TMEM178B: variants seen among roughly 807,000 people sequenced by gnomAD.
The protein encoded by TMEM178B is transmembrane protein 178B.
In TMEM178B, 5 loss-of-function variants were observed where a neutral mutation model predicts 31.0. The ratio of observed to expected loss-of-function variants is 0.16; its 90% confidence interval spans 0.08 to 0.34. The LOEUF is 0.34. Among genes scored for constraint, TMEM178B ranks in the 10% least tolerant of loss-of-function variants. TMEM178B has a pLI of 1.00. For missense variants in TMEM178B, 275 were observed against 400.3 expected (o/e 0.69, Z 2.67); for synonymous variants, 164 against 164.0 (o/e 1.00, Z 0.00).
intron 2 of TMEM178B, among the ~76,000 whole-genome samples, chr7:141,370,363 G>T (rs1800094110): frequency 6.6e-6 from 1 of 152,212 alleles, no homozygotes; most frequent in African/African-American, 2.4e-5. Flanking sequence ...GCTGGGCTGA[G>T]CTACTCTTCC....
chr7:141,204,480 T>C (rs1355005250), intron 1 of TMEM178B, among the ~76,000 whole-genome samples: 2 of 152,180 alleles, frequency 1.3e-5, no homozygotes, highest in Admixed American at 6.5e-5. Flanking sequence ...CCCAGGAGCG[T>C]CCACTGCAGC....
chr7:141,185,212 C>T (rs147357377), intron 1 of TMEM178B, among the ~76,000 whole-genome samples: 6 of 152,212 alleles, frequency 3.9e-5, no homozygotes, highest in African/African-American at 4.8e-5. Context: ...TTTAGCCGTC[C>T]GTAGGTGGCT....
rs965870096 is a variant in TMEM178B at position 141,163,556 on chromosome 7, A to G, written c.383-49035A>G. Among the ~76,000 whole-genome samples the G allele has an allele frequency of 2.7e-5, 4 of 146,944 alleles. No individual in the cohort carries two copies. The Admixed American group carries it at 2.8e-4, about 10-fold the overall frequency. On this transcript the variant is annotated intron_variant, in intron 1 of 3. Transcript: ENST00000565468. ...GAGACGGTGTCTTGTTCTGTGGCCC[A>G]GGCTGGTGTGCAGTGGTGCAATCCT...
At chr7:141,417,912 A>G (rs554847657) in intron 2 of TMEM178B, among the ~76,000 whole-genome samples, 1 of 152,212 alleles carries the variant, frequency 6.6e-6, no homozygotes, top group Non-Finnish European at 1.5e-5. Flanking sequence ...AGGTCACATG[A>G]CTAGTAAGAG....
intron 2 of TMEM178B, among the ~76,000 whole-genome samples, chr7:141,278,235 ATTCTGCATAGCT>A (rs1213396270): frequency 1.3e-5 from 2 of 152,236 alleles, no homozygotes; most frequent in Non-Finnish European, 2.9e-5. Flanking sequence ...GGGCCTTGGC[ATTCTGCATAGCT>A]AAGCCCCTCT....
downstream of TMEM178B, among the ~76,000 whole-genome samples, chr7:141,483,956 G>A (rs555739662): frequency 1.6e-3 from 245 of 151,882 alleles, no homozygotes; most frequent in Non-Finnish European, 2.3e-3. Flanking sequence ...GGCTGGTCTC[G>A]AACTCCCGAT....
rs945641429 is a variant in TMEM178B at position 141,201,067 on chromosome 7, T to TA, written c.383-11516dup. Among the ~76,000 whole-genome samples the TA allele has an allele frequency of 3.9e-4, 59 of 151,930 alleles. 1 individual carries two copies. In the South Asian group the frequency reaches 6.5e-3, roughly 17 times the overall value. ...ACACTGAGGTAACAAACCAAAATATTAAAAAAAACTGAAAAATGAGAAAGG... is the reference window on the plus strand; with the variant it reads ...ACACTGAGGTAACAAACCAAAATATTAAAAAAAAACTGAAAAATGAGAAAGG... On this transcript the variant is annotated intron_variant, in intron 1 of 3. Coordinates refer to ENST00000565468, the MANE Select transcript of TMEM178B (RefSeq NM_001195278.2).
chr7:141,334,418 C>T (rs1043357407), intron 2 of TMEM178B, among the ~76,000 whole-genome samples: 4 of 152,202 alleles, frequency 2.6e-5, no homozygotes, highest in Admixed American at 6.5e-5. Flanking sequence ...TCTCATAGAA[C>T]GTAGTCATCA....
Position 141,279,591 on chromosome 7 carries a change from G to GT in TMEM178B, c.496+66888dup, listed in dbSNP as rs564274011. Among the ~76,000 whole-genome samples the GT allele has an allele frequency of 1.3e-4, 20 of 152,332 alleles. 1 individual carries two copies. In the East Asian group the frequency reaches 3.5e-3, roughly 26 times the overall value. On this transcript the variant is annotated intron_variant, in intron 2 of 3. Coordinates refer to ENST00000565468, the MANE Select transcript of TMEM178B (RefSeq NM_001195278.2). Reference sequence around the variant, plus strand: ...GCTGGCCACCTTTGTTCTAGGCAAAGTAACTGTTCCCTTAGCAAGGCAAAA... The same window carrying GT: ...GCTGGCCACCTTTGTTCTAGGCAAAGTTAACTGTTCCCTTAGCAAGGCAAAA...
At chr7:141,436,976 C>A (rs1350805247) in intron 2 of TMEM178B, among the ~76,000 whole-genome samples, 4 of 152,206 alleles carry the variant, frequency 2.6e-5, no homozygotes, top group African/African-American at 4.8e-5. Context: ...TGGCTCTCCT[C>A]CTGCAGCCCT....
chr7:141,373,981 A>C (rs920562282), intron 2 of TMEM178B, among the ~76,000 whole-genome samples: 2 of 152,204 alleles, frequency 1.3e-5, no homozygotes, highest in African/African-American at 4.8e-5. Flanking sequence ...TTTAACAGAC[A>C]AGGAAATGGC....
chr7:141,340,144 G>T (rs566818593), intron 2 of TMEM178B, among the ~76,000 whole-genome samples: 2 of 152,266 alleles, frequency 1.3e-5, no homozygotes, highest in African/African-American at 4.8e-5. Flanking sequence ...GAATATGGAG[G>T]AAGGGGCCAT....
At chr7:141,296,079 T>A (rs1289960877) in intron 2 of TMEM178B, among the ~76,000 whole-genome samples, 1 of 152,110 alleles carries the variant, frequency 6.6e-6, no homozygotes, top group Non-Finnish European at 1.5e-5. Flanking sequence ...CAGTACTTTT[T>A]TTTTTTTTGA....
At chr7:141,509,466 A>G in the TMEM178B span, among the ~76,000 whole-genome samples, 1 of 152,168 alleles carries the variant, frequency 6.6e-6, no homozygotes. Context: ...CCTGGCCAAC[A>G]TGGCAAAACC....
chr7:141,216,890 G>T (rs921116503), intron 2 of TMEM178B, among the ~76,000 whole-genome samples: 4 of 152,100 alleles, frequency 2.6e-5, no homozygotes, highest in African/African-American at 9.7e-5. Flanking sequence ...GCCTCTGTGG[G>T]CTCCAAGGGT....
chr7:141,087,465 CT>C (rs1259431340), intron 1 of TMEM178B, among the ~76,000 whole-genome samples: 1 of 152,070 alleles, frequency 6.6e-6, no homozygotes, highest in African/African-American at 2.4e-5. Flanking sequence ...ACTAAAGTCA[CT>C]TTTTCAATTA....
At chr7:141,383,229 T>A (rs10246595) in intron 2 of TMEM178B, among the ~76,000 whole-genome samples, 21,378 of 151,952 alleles carry the variant, frequency 0.14, 1,624 homozygotes, top group Non-Finnish European at 0.17. Flanking sequence ...CTTTTTTTTT[T>A]AAATTATACT....
chr7:141,501,234 G>C, the TMEM178B span, among the ~76,000 whole-genome samples: 1 of 151,378 alleles, frequency 6.6e-6, no homozygotes, highest in Non-Finnish European at 1.5e-5. Context: ...TCTCGGCGGT[G>C]CCCTTCCATG....
chr7:141,132,005 A>G (rs576120733), intron 1 of TMEM178B, among the ~76,000 whole-genome samples: 1 of 151,750 alleles, frequency 6.6e-6, no homozygotes, highest in Admixed American at 6.6e-5. Flanking sequence ...TTGTACACGC[A>G]CTCATTTCCC....
Sources: gnomAD v4.1 joint callset for allele counts (sites outside exome capture counted in the v4.1 genomes callset) on GRCh38, gnomAD v4.1.1 for gene constraint, MANE v1.5 for transcripts, NCBI Gene and HGNC (gene_info 2026-07-23, HGNC 2026-07-21) for gene names.